Variants in MAPK4 observed in about 807,000 individuals in gnomAD.
MAPK4 encodes Erk3-related.
MAPK4 carries 22 observed loss-of-function variants against 47.7 expected under a neutral mutation model. The ratio of observed to expected loss-of-function variants is 0.46; its 90% CI spans 0.33 to 0.66. The LOEUF (loss-of-function observed/expected upper bound fraction) is 0.66, where lower values mean the gene tolerates loss of function less well. Ranked by LOEUF, MAPK4 falls within the 30% of genes least tolerant of loss-of-function variation. The pLI is 0.02. For synonymous variants in MAPK4, 390 were observed against 365.7 expected, an observed-to-expected ratio of 1.07 and a Z score of -0.76; for missense variants, 736 against 831.7, an observed-to-expected ratio of 0.88 and a Z score of 1.42.
At chr18:50,573,697 T>C (rs2042269647) in intron 1 of MAPK4, among the ~76,000 whole-genome samples, 1 of 152,202 alleles carries the variant, frequency 6.6e-6, no homozygotes, top group Non-Finnish European at 1.5e-5. Context: ...CCAAAAGGGT[T>C]GGGGACCACT....
intron 2 of MAPK4, among the ~76,000 whole-genome samples, chr18:50,709,387 A>G (rs907599442): frequency 2.0e-5 from 3 of 152,222 alleles, no homozygotes; most frequent in African/African-American, 4.8e-5. Flanking sequence ...GAGGGAGCAC[A>G]GAGCCTGCAG....
chr18:50,624,982 A>T (rs1275547454), intron 1 of MAPK4, among the ~76,000 whole-genome samples: 3 of 152,166 alleles, frequency 2.0e-5, no homozygotes, highest in Non-Finnish European at 4.4e-5. Flanking sequence ...AAGAGAGCCT[A>T]TCTTGTCCCT....
intron 1 of MAPK4, among the ~76,000 whole-genome samples, chr18:50,653,775 A>T (rs1399399610): frequency 6.6e-6 from 1 of 152,226 alleles, no homozygotes; most frequent in Non-Finnish European, 1.5e-5. Flanking sequence ...TTGAATGTGT[A>T]TGACTATGCC....
chr18:50,568,915 C>A (rs2042225945), intron 1 of MAPK4, among the ~76,000 whole-genome samples: 1 of 152,154 alleles, frequency 6.6e-6, no homozygotes, highest in Non-Finnish European at 1.5e-5. Flanking sequence ...TTTTTCAAAT[C>A]TGCAATGTTA....
chr18:50,600,522 A>G (rs1010751884), intron 1 of MAPK4, among the ~76,000 whole-genome samples: 1 of 152,066 alleles, frequency 6.6e-6, no homozygotes, highest in African/African-American at 2.4e-5. Flanking sequence ...TGGCTTCTCT[A>G]CCTATAGACA....
intron 1 of MAPK4, among the ~76,000 whole-genome samples, chr18:50,656,997 G>A (rs918484305): frequency 8.5e-5 from 13 of 152,282 alleles, no homozygotes; most frequent in Admixed American, 3.3e-4. Context: ...AGTTGCAGGC[G>A]TGGCTCAGCT....
At chr18:50,673,991 CT>C (rs1484212122) in intron 2 of MAPK4, among the ~76,000 whole-genome samples, 1 of 152,098 alleles carries the variant, frequency 6.6e-6, no homozygotes, top group African/African-American at 2.4e-5. Context: ...TGTAATGTGT[CT>C]TTTTTTCTCC....
chr18:50,616,269 G>A (rs554770079), intron 1 of MAPK4, among the ~76,000 whole-genome samples: 3 of 152,240 alleles, frequency 2.0e-5, no homozygotes, highest in East Asian at 1.9e-4. Flanking sequence ...GCATCACGTC[G>A]GATTGCCTGG....
intron 1 of MAPK4, among the ~76,000 whole-genome samples, chr18:50,599,717 C>A (rs750213425): frequency 2.6e-5 from 4 of 152,042 alleles, no homozygotes; most frequent in Non-Finnish European, 5.9e-5. Flanking sequence ...CTGTGCCTGG[C>A]CTGCTTTTAT....
chr18:50,603,429 G>A (rs527679574), intron 1 of MAPK4, among the ~76,000 whole-genome samples: 15 of 152,244 alleles, frequency 9.9e-5, no homozygotes, highest in African/African-American at 2.2e-4. Context: ...AATTTCCTGC[G>A]TGTGCCCTGC....
chr18:50,662,082 C>G (rs1414899626), intron 1 of MAPK4, among the ~76,000 whole-genome samples: 1 of 152,186 alleles, frequency 6.6e-6, no homozygotes, highest in Non-Finnish European at 1.5e-5. Flanking sequence ...CTTCATTTAT[C>G]TTTGCAGAGT....
At chr18:50,691,423 G>A (rs901102572) in intron 2 of MAPK4, among the ~76,000 whole-genome samples, 13 of 152,104 alleles carry the variant, frequency 8.5e-5, no homozygotes, top group African/African-American at 3.1e-4. Flanking sequence ...ACAAGAGTCT[G>A]ACTTAACTGG....
intron 2 of MAPK4, among the ~76,000 whole-genome samples, chr18:50,672,151 G>T (rs996660706): frequency 2.6e-5 from 4 of 152,142 alleles, no homozygotes; most frequent in Admixed American, 1.3e-4. Context: ...AACCCACAGG[G>T]TGCAGGGAGT....
chr18:50,573,426 C>T (rs576107862), intron 1 of MAPK4, among the ~76,000 whole-genome samples: 4 of 152,294 alleles, frequency 2.6e-5, no homozygotes, highest in Admixed American at 2.6e-4. Flanking sequence ...CCTGTCAGAA[C>T]AGTGGCGGCA....
intron 1 of MAPK4, among the ~76,000 whole-genome samples, chr18:50,650,296 T>C (rs1380542806): frequency 6.6e-6 from 1 of 152,124 alleles, no homozygotes; most frequent in Non-Finnish European, 1.5e-5. Flanking sequence ...TCTTCTCTCT[T>C]GACATCCTTC....
At position 50,664,498 on chromosome 18, in the gene MAPK4, C is replaced by A; in HGVS notation, c.540C>A (p.Ser180=). 6.3e-7 allele frequency: 1 copy of A among 1,587,122 alleles called. No individual in the cohort carries two copies. Among genetic ancestry groups the A allele is most frequent in the Non-Finnish European group, 8.6e-7 (1 of 1,163,070 alleles). ...GLARIVDQHY[S]HKGYLSEGLV... ...CAAGGATCGTTGATCAGCATTACTC[C>A]CACAAGGTATGTCTGGCTGGAATGG... Residue 180 remains serine, a synonymous_variant, in exon 2 of 6, where the codon TCC becomes TCA. Coordinates refer to ENST00000400384, the MANE Select transcript of MAPK4 (RefSeq NM_002747.4). The surrounding 1 kb of genome is among the most constrained non-coding windows in gnomAD (Gnocchi z 6.0).
intron 1 of MAPK4, among the ~76,000 whole-genome samples, chr18:50,583,641 G>A (rs1262387129): frequency 6.6e-6 from 1 of 152,188 alleles, no homozygotes; most frequent in Non-Finnish European, 1.5e-5. Flanking sequence ...GGGAGGGTAA[G>A]ATGGGGATAG....
chr18:50,623,128 A>G (rs1293551667), intron 1 of MAPK4, among the ~76,000 whole-genome samples: 1 of 152,190 alleles, frequency 6.6e-6, no homozygotes, highest in African/African-American at 2.4e-5. Flanking sequence ...TCAGGCTGTA[A>G]GAGAGCTGTA....
At chr18:50,697,458 T>G (rs894765) in intron 2 of MAPK4, among the ~76,000 whole-genome samples, 100,762 of 152,090 alleles carry the variant, frequency 0.66, 33,439 homozygotes, top group East Asian at 0.68. Context: ...AGATTTTTGA[T>G]GTAAAGTGTT....
Sources: gnomAD v4.1 joint callset for allele counts (sites outside exome capture counted in the v4.1 genomes callset) on GRCh38, gnomAD v4.1.1 for gene constraint, Gnocchi (gnomAD v3.1) non-coding constraint, MANE v1.5 for transcripts, NCBI Gene and HGNC (gene_info 2026-07-23, HGNC 2026-07-21) for gene names.